SDC1: variants seen among roughly 807,000 people sequenced by gnomAD.
SDC1 encodes the protein syndecan-1.
SDC1 carries 14 observed loss-of-function variants against 29.7 expected under a neutral mutation model. That is an observed-to-expected ratio of 0.47 (90% CI 0.31 to 0.74). SDC1 has a LOEUF of 0.74. Ranked by LOEUF, SDC1 falls within the 30% of genes least tolerant of loss-of-function variation. The pLI, the probability that SDC1 is intolerant of heterozygous loss-of-function variation, is 0.05. For synonymous variants in SDC1, 204 were observed against 175.5 expected (o/e 1.16, Z -1.29); for missense variants, 406 against 400.3 (o/e 1.01, Z -0.12).
chr2:20,205,817 G>A (rs986610588), intron 1 of SDC1, among the ~76,000 whole-genome samples: 1 of 152,216 alleles, frequency 6.6e-6, no homozygotes, highest in Non-Finnish European at 1.5e-5. Context: ...GCTCTTGGGG[G>A]CCATCAGCCA....
intron 1 of SDC1, among the ~76,000 whole-genome samples, chr2:20,214,254 C>T (rs1349088740): frequency 2.0e-5 from 3 of 152,206 alleles, no homozygotes; most frequent in Non-Finnish European, 4.4e-5. Context: ...CTCCCACGTA[C>T]AGAACAATGG....
chr2:20,203,579 G>T (rs745994623), intron 3 of SDC1, among the ~76,000 whole-genome samples: 2 of 152,238 alleles, frequency 1.3e-5, no homozygotes, highest in Admixed American at 1.3e-4. Flanking sequence ...AGTTTGGATT[G>T]TGAGTTTGGG....
chr2:20,202,289 GAAA>G lies in SDC1; in HGVS notation c.*474_*476del. 1 of 779,044 alleles carries G rather than the reference GAAA, an allele frequency of 1.3e-6. No homozygotes were observed. Among genetic ancestry groups the G allele is most frequent in the East Asian group, 2.4e-5 (1 of 41,192 alleles). The allele number at this position is 779,044 out of a possible 1,614,324, so 48.3% of individuals were successfully genotyped here. ...CGATATCTAGATTAGACCTCCCCAC[GAAA>G]CAAAGTGGACTCCTGTCCCCTGCCA... On this transcript the variant is annotated 3_prime_UTR_variant, in exon 5 of 5. Transcript: ENST00000254351.
intron 1 of SDC1, among the ~76,000 whole-genome samples, chr2:20,223,621 C>A (rs921789926): frequency 1.3e-5 from 2 of 152,168 alleles, no homozygotes; most frequent in Non-Finnish European, 2.9e-5. Flanking sequence ...GAGGCGAACT[C>A]GGGCGGCAGA....
chr2:20,221,350 T>C (rs1222472352), intron 1 of SDC1, among the ~76,000 whole-genome samples: 4 of 152,220 alleles, frequency 2.6e-5, no homozygotes, highest in African/African-American at 9.7e-5. Context: ...ATGTCACTTC[T>C]GGCTGCTCTC....
chr2:20,214,174 T>C (rs1677562560), intron 1 of SDC1, among the ~76,000 whole-genome samples: 1 of 152,212 alleles, frequency 6.6e-6, no homozygotes, highest in Non-Finnish European at 1.5e-5. Context: ...ATGCCAACAA[T>C]GCCATACCCA....
At position 20,225,018 on chromosome 2, in the gene SDC1, C is replaced by G. The variant is rs1301024251; in HGVS notation, c.-151G>C. On this transcript the variant is annotated 5_prime_UTR_variant, in exon 1 of 5. Coordinates refer to ENST00000254351, the MANE Select transcript of SDC1 (RefSeq NM_002997.5). ...GCTGCAGGGTCCGCCGGCTGGAGTC[C>G]GCTCTCTACTGCCGGATTCCTCTCC... 6.3e-6 allele frequency: 6 copies of G among 958,684 alleles called. No individual in the cohort carries two copies. The highest frequency in any genetic ancestry group is 1.7e-5 in the African/African-American group (1 of 57,766). 59.4% of individuals were successfully genotyped at this position (958,684 alleles called of 1,614,324 possible).
At chr2:20,209,623 C>T (rs1426681377) in intron 1 of SDC1, among the ~76,000 whole-genome samples, 1 of 152,246 alleles carries the variant, frequency 6.6e-6, no homozygotes, top group Non-Finnish European at 1.5e-5. Flanking sequence ...ACAAAGAGCA[C>T]ATCTGAAGTC....
At chr2:20,221,001 T>A (rs914637407) in intron 1 of SDC1, among the ~76,000 whole-genome samples, 1 of 152,144 alleles carries the variant, frequency 6.6e-6, no homozygotes, top group South Asian at 2.1e-4. Flanking sequence ...ACTTGGAACA[T>A]GGGGGTCAGC....
intron 1 of SDC1, among the ~76,000 whole-genome samples, chr2:20,222,026 A>G (rs1002418595): frequency 6.6e-6 from 1 of 152,258 alleles, no homozygotes; most frequent in African/African-American, 2.4e-5. Context: ...AATGAAAAAT[A>G]GCAAATAACT....
Position 20,202,681 on chromosome 2 carries a change from G to T in SDC1, c.*85C>A. On this transcript the variant is annotated 3_prime_UTR_variant, in exon 5 of 5. Coordinates refer to ENST00000254351, the MANE Select transcript of SDC1 (RefSeq NM_002997.5). ...GCTGGGGAGGTGGCCTGGTGGCAGGGGAGGCCAGGGCCTGCAGTTCTTCAA... is the reference window on the plus strand; with the variant it reads ...GCTGGGGAGGTGGCCTGGTGGCAGGTGAGGCCAGGGCCTGCAGTTCTTCAA... 5.9e-6 allele frequency: 8 copies of T among 1,350,966 alleles called. No individual in the cohort carries two copies. Among genetic ancestry groups the T allele is most frequent in the Non-Finnish European group, 7.1e-6 (7 of 983,390 alleles). 83.7% of individuals were successfully genotyped at this position (1,350,966 alleles called of 1,614,324 possible).
intron 1 of SDC1, among the ~76,000 whole-genome samples, chr2:20,212,542 C>G (rs750024798): frequency 6.6e-6 from 1 of 152,202 alleles, no homozygotes; most frequent in Non-Finnish European, 1.5e-5. Flanking sequence ...CCTCCAGACC[C>G]GAAATCCCCC....
At chr2:20,220,122 G>A (rs1026116430) in intron 1 of SDC1, among the ~76,000 whole-genome samples, 1 of 152,134 alleles carries the variant, frequency 6.6e-6, no homozygotes, top group African/African-American at 2.4e-5. Flanking sequence ...AGGAGCTCTC[G>A]CCTGTCCCTG....
In SDC1 at chr2:20,202,626, G is replaced by A. The variant is rs952121044; in HGVS notation, c.*140C>T. On this transcript the variant is annotated 3_prime_UTR_variant, in exon 5 of 5. Coordinates refer to ENST00000254351, the MANE Select transcript of SDC1 (RefSeq NM_002997.5). Reference sequence around the variant, plus strand: ...AGCTCCCAGCACACCCCACGACTCCGTGGGCAGGAGCGACCAGAGGGGCTG... The same window carrying A: ...AGCTCCCAGCACACCCCACGACTCCATGGGCAGGAGCGACCAGAGGGGCTG... The A allele has an allele frequency of 1.8e-5, 15 of 818,194 alleles. No homozygotes were observed. The highest frequency in any genetic ancestry group is 8.6e-5 in the African/African-American group (5 of 58,326). The allele number at this position is 818,194 out of a possible 1,614,324, so 50.7% of individuals were successfully genotyped here.
chr2:20,205,471 T>C, intron 1 of SDC1, 47 bp from the exon 2 acceptor site: 1 of 1,514,000 alleles, frequency 6.6e-7, no homozygotes, highest in South Asian at 1.1e-5. Context: ...TGGCCGGGTC[T>C]CTGCTGCTCC....
Position 20,223,467 on chromosome 2 carries a change from C to T in SDC1, c.66+1335G>A. 2 of 397,052 alleles carry T rather than the reference C, an allele frequency of 5.0e-6. 1 individual carries two copies. The highest frequency in any genetic ancestry group is 4.0e-5 in the South Asian group (2 of 50,254). The allele number at this position is 397,052 out of a possible 1,614,324, so 24.6% of individuals were successfully genotyped here. On this transcript the variant is annotated intron_variant, in intron 1 of 4. Coordinates refer to ENST00000254351, the MANE Select transcript of SDC1 (RefSeq NM_002997.5). ...CTTTGCCAGAGCTGGGGAAGTCGAA[C>T]TGTCCAGATGTAGTGGCGAGACACC...
At chr2:20,213,686 G>A (rs1348113090) in intron 1 of SDC1, among the ~76,000 whole-genome samples, 1 of 152,182 alleles carries the variant, frequency 6.6e-6, no homozygotes, top group African/African-American at 2.4e-5. Context: ...GGCCCTTACT[G>A]AGAAGCCCAG....
chr2:20,210,630 C>T (rs56729183), intron 1 of SDC1, among the ~76,000 whole-genome samples: 2 of 152,336 alleles, frequency 1.3e-5, no homozygotes, highest in East Asian at 1.9e-4. Context: ...ACGAAATCCC[C>T]GGCTTCTGTG....
In SDC1 at chr2:20,202,892, G is replaced by C. The variant is rs773359995; in HGVS notation, c.807C>G (p.Cys269Trp). 3.7e-6 allele frequency: 6 copies of C among 1,613,454 alleles called. No homozygotes were observed. The African/African-American group carries it at 6.7e-5, about 18-fold the overall frequency. Reference sequence around the variant, plus strand: ...TGCGGTACAGCATGAAACCCACCAGGCACACAGCAAAGATGAGCCCCACGA... The same window carrying C: ...TGCGGTACAGCATGAAACCCACCAGCCACACAGCAAAGATGAGCCCCACGA... Reference protein sequence around the residue: ...GGLVGLIFAVCLVGFMLYRMK... With the variant: ...GGLVGLIFAVWLVGFMLYRMK... Residue 269 changes from cysteine (C) to tryptophan (W), a missense_variant, in exon 5 of 5, where the codon TGC becomes TGG. Coordinates refer to ENST00000254351, the MANE Select transcript of SDC1 (RefSeq NM_002997.5).
Sources: allele counts gnomAD v4.1 joint callset (sites outside exome capture counted in the v4.1 genomes callset), GRCh38; gene constraint gnomAD v4.1.1; transcripts MANE v1.5; gene names NCBI Gene and HGNC (gene_info 2026-07-23, HGNC 2026-07-21).